WWOX: variants seen among roughly 807,000 people sequenced by gnomAD.
WWOX encodes the protein WW domain-containing oxidoreductase.
In WWOX, 69 loss-of-function variants were observed where a neutral mutation model predicts 46.2. That is an observed-to-expected ratio of 1.49 (90% CI 1.23 to 1.82). The LOEUF (loss-of-function observed/expected upper bound fraction) is 1.82, where lower values mean the gene tolerates loss of function less well. Ranked by LOEUF, WWOX falls within the 40% of genes most tolerant of loss-of-function variation. The pLI is 0.00. For synonymous variants in WWOX, 359 were observed against 202.6 expected (o/e 1.77, Z -6.56); for missense variants, 919 against 542.6 (o/e 1.69, Z -6.89).
intron 8 of WWOX, among the ~76,000 whole-genome samples, chr16:79,091,260 G>T (rs1259126374): frequency 6.6e-6 from 1 of 152,020 alleles, no homozygotes; most frequent in East Asian, 1.9e-4. Flanking sequence ...CTAAGTAGTA[G>T]TTGGGGCATT....
intron 8 of WWOX, among the ~76,000 whole-genome samples, chr16:78,809,948 G>A (rs1374662540): frequency 6.6e-6 from 1 of 152,152 alleles, no homozygotes; most frequent in Non-Finnish European, 1.5e-5. Flanking sequence ...CTCCCTTAGG[G>A]GACCCTTGGT....
chr16:79,054,953 T>G (rs1231283786), intron 8 of WWOX, among the ~76,000 whole-genome samples: 1 of 152,192 alleles, frequency 6.6e-6, no homozygotes, highest in Non-Finnish European at 1.5e-5. Flanking sequence ...AGATTTTCTG[T>G]ATTTTGAGAG....
At chr16:79,175,763 A>C (rs951332914) in intron 8 of WWOX, among the ~76,000 whole-genome samples, 2 of 152,148 alleles carry the variant, frequency 1.3e-5, no homozygotes, top group Non-Finnish European at 2.9e-5. Flanking sequence ...CATACGACTT[A>C]CACATTCCCA....
At chr16:78,826,926 G>C (rs1014633585) in intron 8 of WWOX, among the ~76,000 whole-genome samples, 14 of 152,054 alleles carry the variant, frequency 9.2e-5, no homozygotes, top group Middle Eastern at 3.2e-3. Context: ...ACTACATGCC[G>C]GACACCAAGC....
Position 78,297,390 on chromosome 16 carries a change from C to T in WWOX, c.517-89470C>T, listed in dbSNP as rs763118450. Among the ~76,000 whole-genome samples the T allele has an allele frequency of 6.6e-5, 10 of 152,220 alleles. No homozygotes were observed. In the South Asian group the frequency reaches 8.3e-4, roughly 13 times the overall value. On this transcript the variant is annotated intron_variant, in intron 5 of 8. Coordinates refer to ENST00000566780, the MANE Select transcript of WWOX (RefSeq NM_016373.4). ...CATGTAGGGAGCCTTCCAACAGCAT[C>T]CCCCACAGCTTTGGGTGGAGAATTT...
intron 8 of WWOX, among the ~76,000 whole-genome samples, chr16:78,966,149 T>G (rs1384672287): frequency 6.6e-6 from 1 of 152,234 alleles, no homozygotes; most frequent in Non-Finnish European, 1.5e-5. Flanking sequence ...AACTTAGATA[T>G]TAAATCCCAT....
At chr16:78,133,941 G>A (rs1232822227) in intron 4 of WWOX, among the ~76,000 whole-genome samples, 1 of 152,188 alleles carries the variant, frequency 6.6e-6, no homozygotes, top group Non-Finnish European at 1.5e-5. Flanking sequence ...GACTGTAGAT[G>A]CCTTCCATCT....
At chr16:78,991,605 A>AAAAAAAG in intron 8 of WWOX, among the ~76,000 whole-genome samples, 1 of 150,546 alleles carries the variant, frequency 6.6e-6, no homozygotes, top group African/African-American at 2.4e-5. Flanking sequence ...TGTCTCAAAA[A>AAAAAAAG]AAAAAAAAAA....
chr16:78,944,127 G>T (rs1313435065), intron 8 of WWOX, among the ~76,000 whole-genome samples: 2 of 152,146 alleles, frequency 1.3e-5, no homozygotes, highest in African/African-American at 2.4e-5. Context: ...CTGTGGTATT[G>T]TCTGAGCCTA....
At chr16:79,065,656 A>C (rs12325126) in intron 8 of WWOX, among the ~76,000 whole-genome samples, 17,671 of 152,258 alleles carry the variant, frequency 0.12, 1,138 homozygotes, top group Middle Eastern at 0.16. Flanking sequence ...AGCTGAATTC[A>C]GACCCCTCTC....
At chr16:79,153,035 G>A (rs1954469165) in intron 8 of WWOX, among the ~76,000 whole-genome samples, 1 of 152,172 alleles carries the variant, frequency 6.6e-6, no homozygotes, top group African/African-American at 2.4e-5. Context: ...GCCGGGCAAG[G>A]AGACCTGCAG....
intron 8 of WWOX, among the ~76,000 whole-genome samples, chr16:79,159,561 T>C (rs897329618): frequency 6.6e-6 from 1 of 152,144 alleles, no homozygotes; most frequent in Non-Finnish European, 1.5e-5. Flanking sequence ...AATTGGAAAA[T>C]GCTCTCTTTC....
chr16:78,735,240 T>G (rs1046942767), intron 8 of WWOX, among the ~76,000 whole-genome samples: 3 of 151,992 alleles, frequency 2.0e-5, no homozygotes, highest in Non-Finnish European at 4.4e-5. Flanking sequence ...CTTGCTGGAG[T>G]TGGACTGAAA....
At chr16:78,423,308 G>C (rs2082995592) in intron 6 of WWOX, among the ~76,000 whole-genome samples, 1 of 151,910 alleles carries the variant, frequency 6.6e-6, no homozygotes, top group African/African-American at 2.4e-5. Flanking sequence ...GTTTTATAAG[G>C]TCGGTAGATT....
At chr16:78,357,918 C>T (rs539679618) in intron 5 of WWOX, among the ~76,000 whole-genome samples, 4 of 152,144 alleles carry the variant, frequency 2.6e-5, no homozygotes, top group African/African-American at 4.8e-5. Context: ...CTTGCCTAAG[C>T]GGTGGACGCA....
chr16:78,727,714 G>T (rs1326181955), intron 8 of WWOX, among the ~76,000 whole-genome samples: 2 of 152,116 alleles, frequency 1.3e-5, no homozygotes, highest in South Asian at 2.1e-4. Flanking sequence ...TAGTAGTGCT[G>T]TGTGGGGAGG....
intron 8 of WWOX, among the ~76,000 whole-genome samples, chr16:79,013,068 C>G (rs2047344056): frequency 6.6e-6 from 1 of 152,090 alleles, no homozygotes; most frequent in Non-Finnish European, 1.5e-5. Flanking sequence ...GACTCCGTTT[C>G]ACAAAAAAAG....
chr16:79,138,391 C>A (rs1333986904), intron 8 of WWOX, among the ~76,000 whole-genome samples: 1 of 152,142 alleles, frequency 6.6e-6, no homozygotes, highest in South Asian at 2.1e-4. Context: ...CAGTGCCTTC[C>A]CCATTTGACT....
intron 5 of WWOX, among the ~76,000 whole-genome samples, chr16:78,371,087 C>G (rs982250707): frequency 1.3e-5 from 2 of 149,604 alleles, no homozygotes; most frequent in Non-Finnish European, 3.0e-5. Context: ...TCAAACTAAT[C>G]GTTATTAGAG....
Sources: gnomAD v4.1 joint callset for allele counts (sites outside exome capture counted in the v4.1 genomes callset) on GRCh38, gnomAD v4.1.1 for gene constraint, MANE v1.5 for transcripts, NCBI Gene and HGNC (gene_info 2026-07-23, HGNC 2026-07-21) for gene names.